Variants in GPHN observed in about 807,000 individuals in gnomAD.
GPHN encodes the protein gephyrin.
A neutral mutation model predicts 95.5 loss-of-function variants in GPHN; 17 were observed. That is an observed-to-expected ratio of 0.18 (90% CI 0.12 to 0.27). The LOEUF (loss-of-function observed/expected upper bound fraction) is 0.27. Among genes scored for constraint, GPHN ranks in the 10% least tolerant of loss-of-function variants. GPHN has a pLI of 1.00. For synonymous variants in GPHN, 320 were observed against 322.5 expected, an observed-to-expected ratio of 0.99 and a Z score of 0.08; for missense variants, 660 against 978.1, an observed-to-expected ratio of 0.67 and a Z score of 4.34.
chr14:67,675,850 C>T, the GPHN span, among the ~76,000 whole-genome samples: 1 of 152,152 alleles, frequency 6.6e-6, no homozygotes, highest in Non-Finnish European at 1.5e-5. Context: ...CATCCCAGCA[C>T]TTTGGGAGGC....
At chr14:66,555,928 C>T (rs915980261) in intron 1 of GPHN, among the ~76,000 whole-genome samples, 7 of 151,988 alleles carry the variant, frequency 4.6e-5, no homozygotes, top group African/African-American at 9.7e-5. Flanking sequence ...CATAATTTGG[C>T]GATTTCATCA....
chr14:66,908,327 A>T (rs1467612596), intron 5 of GPHN, among the ~76,000 whole-genome samples: 1 of 152,030 alleles, frequency 6.6e-6, no homozygotes, highest in Non-Finnish European at 1.5e-5. Flanking sequence ...AAAGGGGCAT[A>T]GGAGTCAATT....
At chr14:67,576,170 C>T in the GPHN span, among the ~76,000 whole-genome samples, 5 of 152,154 alleles carry the variant, frequency 3.3e-5, no homozygotes, top group Admixed American at 2.0e-4. This position sits in a 1 kb window ranked among gnomAD's most constrained non-coding sequence, Gnocchi z 4.0. Flanking sequence ...GAATTTATTC[C>T]CAGTGACCAA....
chr14:67,497,861 T>C, the GPHN span, among the ~76,000 whole-genome samples: 6 of 151,930 alleles, frequency 3.9e-5, no homozygotes, highest in South Asian at 1.3e-3. Context: ...TCGGTGAGTC[T>C]ATGTAAAGGT....
At chr14:67,218,175 A>G in the GPHN span, among the ~76,000 whole-genome samples, 14 of 152,288 alleles carry the variant, frequency 9.2e-5, no homozygotes, top group African/African-American at 3.4e-4. Context: ...GGGTTGGCCA[A>G]CCTGAGGTCT....
intron 9 of GPHN, among the ~76,000 whole-genome samples, chr14:66,981,664 G>C (rs749404722): frequency 3.3e-5 from 5 of 152,086 alleles, no homozygotes; most frequent in Admixed American, 6.5e-5. Context: ...GAATAGTTCT[G>C]AAGGTAAACT....
intron 1 of GPHN, among the ~76,000 whole-genome samples, chr14:66,520,911 A>G (rs1443416155): frequency 7.3e-5 from 11 of 151,698 alleles, no homozygotes; most frequent in African/African-American, 1.9e-4. Flanking sequence ...CTTTGTGTCC[A>G]TGAGTTCTTT....
chr14:66,750,299 T>C (rs1032644417), intron 2 of GPHN, among the ~76,000 whole-genome samples: 3 of 151,968 alleles, frequency 2.0e-5, no homozygotes, highest in Non-Finnish European at 4.4e-5. Flanking sequence ...TTGCACATCA[T>C]GTCTTTTAAG....
chr14:66,796,003 T>G (rs973709779), intron 3 of GPHN, among the ~76,000 whole-genome samples: 2 of 152,162 alleles, frequency 1.3e-5, no homozygotes, highest in African/African-American at 4.8e-5. Flanking sequence ...CTTCCTAGCC[T>G]CTGGTAACCA....
chr14:67,229,273 G>T, the GPHN span, among the ~76,000 whole-genome samples: 1 of 152,136 alleles, frequency 6.6e-6, no homozygotes, highest in Non-Finnish European at 1.5e-5. Context: ...TAAAGCAATG[G>T]AAATCTATTT....
chr14:66,596,335 C>T (rs992395994), intron 1 of GPHN, among the ~76,000 whole-genome samples: 11 of 152,146 alleles, frequency 7.2e-5, no homozygotes, highest in African/African-American at 2.6e-4. Flanking sequence ...CTGTCTCTGA[C>T]CTGAAGATGA....
chr14:67,579,546 A>G, the GPHN span: 18 of 671,054 alleles, frequency 2.7e-5, no homozygotes, highest in Non-Finnish European at 3.7e-5. Context: ...TACAGTGGAT[A>G]AGCTCACATC....
chr14:67,028,904 G>T (rs1409395340), intron 10 of GPHN, among the ~76,000 whole-genome samples: 1 of 152,042 alleles, frequency 6.6e-6, no homozygotes, highest in Non-Finnish European at 1.5e-5. Context: ...TTTGTTGTCT[G>T]TACTTTTGAA....
chr14:67,059,949 G>C (rs2075758416), intron 11 of GPHN, among the ~76,000 whole-genome samples: 1 of 152,030 alleles, frequency 6.6e-6, no homozygotes, highest in African/African-American at 2.4e-5. Flanking sequence ...AATTTTAATG[G>C]AATAGTTTTG....
At chr14:66,906,420 C>G (rs890689711) in intron 5 of GPHN, among the ~76,000 whole-genome samples, 1 of 152,272 alleles carries the variant, frequency 6.6e-6, no homozygotes, top group Non-Finnish European at 1.5e-5. Context: ...CTTGATCTCA[C>G]TTTTTCCAAT....
At chr14:66,960,099 T>C (rs2068794715) in intron 8 of GPHN, among the ~76,000 whole-genome samples, 1 of 152,014 alleles carries the variant, frequency 6.6e-6, no homozygotes, top group African/African-American at 2.4e-5. Context: ...ATATTTGTCT[T>C]TTTATTGAGA....
chr14:66,898,377 A>G (rs769313549), intron 5 of GPHN, among the ~76,000 whole-genome samples: 7 of 143,926 alleles, frequency 4.9e-5, no homozygotes, highest in Non-Finnish European at 1.1e-4. Context: ...TTTTTTTCTA[A>G]GGTGTGAGTT....
chr14:67,208,488 A>C, the GPHN span: 2 of 1,584,370 alleles, frequency 1.3e-6, no homozygotes, highest in Non-Finnish European at 1.7e-6. Context: ...ATTCTAAGAC[A>C]TGAAATATTA....
intron 2 of GPHN, among the ~76,000 whole-genome samples, chr14:66,765,111 G>C (rs1044938608): frequency 6.6e-6 from 1 of 152,154 alleles, no homozygotes; most frequent in Non-Finnish European, 1.5e-5. Flanking sequence ...GGTGAACCTT[G>C]ATTGACCACT....
Sources: allele counts gnomAD v4.1 joint callset (sites outside exome capture counted in the v4.1 genomes callset), GRCh38; gene constraint gnomAD v4.1.1; non-coding constraint Gnocchi (gnomAD v3.1); transcripts MANE v1.5; gene names NCBI Gene and HGNC (gene_info 2026-07-23, HGNC 2026-07-21).